The following SH3RF3 variants were observed in gnomAD, a reference collection of about 807,000 sequenced individuals.
SH3RF3 encodes E3 ubiquitin-protein ligase SH3RF3.
Under a neutral mutation model 66.3 loss-of-function variants are expected in SH3RF3, and 29 were observed. The observed-to-expected ratio is 0.44, with a 90% CI of 0.33 to 0.60. The LOEUF is 0.60. SH3RF3 is among the 20% of genes least tolerant of loss of function. The pLI, the probability that SH3RF3 is intolerant of heterozygous loss-of-function variation, is 0.04. For synonymous variants in SH3RF3, 583 were observed against 532.0 expected, an observed-to-expected ratio of 1.10 and a Z score of -1.32; for missense variants, 1,194 against 1,190.9, an observed-to-expected ratio of 1.00 and a Z score of -0.04.
At chr2:109,467,404 G>A (rs1344153094) in intron 8 of SH3RF3, among the ~76,000 whole-genome samples, 1 of 152,238 alleles carries the variant, frequency 6.6e-6, no homozygotes, top group Admixed American at 6.5e-5. Flanking sequence ...AGGGTCCCGT[G>A]TCTATAAAAC....
At chr2:109,148,410 C>T (rs1677149150) in intron 1 of SH3RF3, among the ~76,000 whole-genome samples, 1 of 152,116 alleles carries the variant, frequency 6.6e-6, no homozygotes. Flanking sequence ...TTCTTAAAGG[C>T]GTTCTTTTTT....
At chr2:109,212,665 T>G (rs925589313) in intron 1 of SH3RF3, among the ~76,000 whole-genome samples, 1 of 152,210 alleles carries the variant, frequency 6.6e-6, no homozygotes, top group Non-Finnish European at 1.5e-5. Flanking sequence ...TCCCTTTTCT[T>G]GTGTTAAATG....
chr2:109,144,284 C>T (rs1677040884), intron 1 of SH3RF3, among the ~76,000 whole-genome samples: 1 of 152,124 alleles, frequency 6.6e-6, no homozygotes, highest in Non-Finnish European at 1.5e-5. Context: ...ACTTGTATAC[C>T]TTAAATATAT....
chr2:109,205,667 G>T (rs1678793803), intron 1 of SH3RF3, among the ~76,000 whole-genome samples: 1 of 152,154 alleles, frequency 6.6e-6, no homozygotes, highest in Admixed American at 6.5e-5. Context: ...TGGTGTCAGG[G>T]TCTGCACCGT....
intron 4 of SH3RF3, among the ~76,000 whole-genome samples, chr2:109,412,426 G>A (rs375116552): frequency 2.0e-5 from 3 of 152,232 alleles, no homozygotes; most frequent in African/African-American, 7.2e-5. Flanking sequence ...CAGCTTGGCT[G>A]TTTCTGGAGC....
intron 1 of SH3RF3, among the ~76,000 whole-genome samples, chr2:109,185,960 C>T (rs1678176478): frequency 6.6e-6 from 1 of 152,214 alleles, no homozygotes; most frequent in Non-Finnish European, 1.5e-5. Context: ...GCTTGGCCAG[C>T]AGAGGCCTGG....
chr2:109,334,483 C>G (rs977862354), intron 1 of SH3RF3, among the ~76,000 whole-genome samples: 1 of 152,086 alleles, frequency 6.6e-6, no homozygotes, highest in Non-Finnish European at 1.5e-5. Context: ...TGCGGACTTT[C>G]CTCGCAATAA....
At chr2:109,481,682 C>T (rs796352580) in intron 8 of SH3RF3, among the ~76,000 whole-genome samples, 3 of 152,268 alleles carry the variant, frequency 2.0e-5, no homozygotes, top group South Asian at 2.1e-4. Context: ...GGCTCTGCCT[C>T]GCAGCACCTC....
At chr2:109,349,451 GC>G (rs1196335034) in intron 2 of SH3RF3, among the ~76,000 whole-genome samples, 1 of 152,148 alleles carries the variant, frequency 6.6e-6, no homozygotes, top group Non-Finnish European at 1.5e-5. Context: ...GCTTCCTGGG[GC>G]TATTTTTAGG....
chr2:109,416,798 C>G (rs532751540), intron 4 of SH3RF3, among the ~76,000 whole-genome samples: 1 of 151,096 alleles, frequency 6.6e-6, no homozygotes, highest in Admixed American at 6.6e-5. Flanking sequence ...CCCGGCTACT[C>G]AGGAGGCTAA....
At chr2:109,305,783 A>AGTTTT (rs1363555339) in intron 1 of SH3RF3, among the ~76,000 whole-genome samples, 2 of 152,138 alleles carry the variant, frequency 1.3e-5, no homozygotes, top group African/African-American at 4.8e-5. Flanking sequence ...ATGCCACAAA[A>AGTTTT]CTTGCTGGAG....
intron 8 of SH3RF3, among the ~76,000 whole-genome samples, chr2:109,483,253 A>G (rs1678881083): frequency 6.6e-6 from 1 of 152,232 alleles, no homozygotes; most frequent in African/African-American, 2.4e-5. Context: ...TTCCAAGTAT[A>G]ACTTGCAACC....
At chr2:109,236,163 A>G (rs1181092520) in intron 1 of SH3RF3, among the ~76,000 whole-genome samples, 1 of 152,220 alleles carries the variant, frequency 6.6e-6, no homozygotes, top group African/African-American at 2.4e-5. Context: ...TAGAACTCTT[A>G]ATCACTGCCA....
At position 109,425,157 on chromosome 2, in the gene SH3RF3, C is replaced by A. The variant is rs138261696; in HGVS notation, c.1403+5515C>A. Reference sequence around the variant, plus strand: ...AGCCAAAGCCTAATCCAAAGCAAGGCCCTAACTCTCTTCAACTCCGTGAAT... The same window carrying A: ...AGCCAAAGCCTAATCCAAAGCAAGGACCTAACTCTCTTCAACTCCGTGAAT... On this transcript the variant is annotated intron_variant, in intron 5 of 9. Coordinates refer to ENST00000309415, the MANE Select transcript of SH3RF3 (RefSeq NM_001099289.3). 3.4e-4 allele frequency among the ~76,000 whole-genome samples: 52 copies of A among 152,304 alleles called. 1 individual carries two copies. The highest frequency in any genetic ancestry group is 1.2e-3 in the African/African-American group (51 of 41,566).
chr2:109,197,279 G>A lies in SH3RF3; in HGVS notation c.573+67166G>A, dbSNP rs145282544. On this transcript the variant is annotated intron_variant, in intron 1 of 9. Coordinates refer to ENST00000309415, the MANE Select transcript of SH3RF3 (RefSeq NM_001099289.3). ...ATTCGTTGGTCGTTAGGGATGCTGGGATGCACTTGGCCTCATTCTGGGAGG... is the reference window on the plus strand; with the variant it reads ...ATTCGTTGGTCGTTAGGGATGCTGGAATGCACTTGGCCTCATTCTGGGAGG... Among the ~76,000 whole-genome samples the A allele has an allele frequency of 4.2e-3, 644 of 152,324 alleles. 2 individuals are homozygous for A. Among genetic ancestry groups the A allele is most frequent in the African/African-American group, 0.015 (617 of 41,578 alleles).
intron 5 of SH3RF3, among the ~76,000 whole-genome samples, chr2:109,428,318 G>T (rs1341595196): frequency 6.6e-6 from 1 of 152,278 alleles, no homozygotes; most frequent in Non-Finnish European, 1.5e-5. Context: ...GAGCGGAAGA[G>T]AAATCTGCAG....
rs146582382 is a variant in SH3RF3, at chr2:109,324,777, C to T, written c.574-22897C>T. ...TTGAAGGAGAGCATGAATGTCCAGACGGGGATAGAGACCAACTATGAATCT... is the reference window on the plus strand; with the variant it reads ...TTGAAGGAGAGCATGAATGTCCAGATGGGGATAGAGACCAACTATGAATCT... On this transcript the variant is annotated intron_variant, in intron 1 of 9. Coordinates refer to ENST00000309415, the MANE Select transcript of SH3RF3 (RefSeq NM_001099289.3). 8.3e-4 allele frequency among the ~76,000 whole-genome samples: 127 copies of T among 152,242 alleles called. 2 individuals carry two copies. Among genetic ancestry groups the T allele is most frequent in the Middle Eastern group, 3.4e-3 (1 of 294 alleles).
At chr2:109,230,313 C>T (rs961594422) in intron 1 of SH3RF3, among the ~76,000 whole-genome samples, 6 of 152,100 alleles carry the variant, frequency 3.9e-5, no homozygotes, top group East Asian at 1.9e-4. Context: ...TAGTGCCTCA[C>T]GCCTGTAAAC....
chr2:109,459,703 C>T (rs1304774188), intron 8 of SH3RF3, among the ~76,000 whole-genome samples: 2 of 152,190 alleles, frequency 1.3e-5, no homozygotes, highest in Non-Finnish European at 2.9e-5. Context: ...GGCTGAGTGG[C>T]AGTCTTGAAT....
Sources: allele counts gnomAD v4.1 joint callset (sites outside exome capture counted in the v4.1 genomes callset), GRCh38; gene constraint gnomAD v4.1.1; transcripts MANE v1.5; gene names NCBI Gene and HGNC (gene_info 2026-07-23, HGNC 2026-07-21).